The following CRADD variants were observed in gnomAD, a reference collection of about 807,000 sequenced individuals.
CRADD encodes the protein death domain-containing protein CRADD.
CRADD carries 9 observed loss-of-function variants against 15.5 expected under a neutral mutation model. That is an observed-to-expected ratio of 0.58 (90% confidence interval 0.35 to 1.01). CRADD has a LOEUF of 1.01. CRADD is among the 50% of genes least tolerant of loss of function. CRADD has a pLI of 0.02. For synonymous variants in CRADD, 118 were observed against 107.6 expected, an observed-to-expected ratio of 1.10 and a Z score of -0.60; for missense variants, 227 against 250.3, an observed-to-expected ratio of 0.91 and a Z score of 0.63.
At position 93,765,234 on chromosome 12, in the gene CRADD, C is replaced by T. The variant is rs548886838; in HGVS notation, c.299-84736C>T. Among the ~76,000 whole-genome samples the T allele has an allele frequency of 2.4e-3, 363 of 152,052 alleles. 1 individual carries two copies. Among genetic ancestry groups the T allele is most frequent in the African/African-American group, 8.5e-3 (353 of 41,494 alleles). The stretch of plus-strand genomic sequence containing the variant: ...TGCCTGCAGCTCAGAGAGTAAAGGG[C>T]TTTTGGAAGAGTTATTCAGAGAGAG... On this transcript the variant is annotated intron_variant, in intron 2 of 2. Coordinates refer to ENST00000332896, the MANE Select transcript of CRADD (RefSeq NM_003805.5).
intron 2 of CRADD, among the ~76,000 whole-genome samples, chr12:93,807,221 T>G (rs1298384631): frequency 6.6e-6 from 1 of 152,182 alleles, no homozygotes; most frequent in Non-Finnish European, 1.5e-5. Flanking sequence ...CTGTCCCTGC[T>G]CTAGTACCTT....
At chr12:93,752,720 A>G (rs1032663657) in intron 2 of CRADD, among the ~76,000 whole-genome samples, 2 of 152,234 alleles carry the variant, frequency 1.3e-5, no homozygotes, top group African/African-American at 2.4e-5. Context: ...TCACAGTTCC[A>G]CATGGCAGGG....
rs189295248 is a variant in CRADD at position 93,705,255 on chromosome 12, T to C, written c.298+26183T>C. 2.0e-5 allele frequency among the ~76,000 whole-genome samples: 3 copies of C among 152,346 alleles called. No homozygotes were observed. The East Asian group carries it at 5.8e-4, about 29-fold the overall frequency. ...CAGATCATCACAGAGGATTTTGAAA[T>C]TGAAAAAATTACTTAATTAAATGAA... On this transcript the variant is annotated intron_variant, in intron 2 of 2. Transcript: ENST00000332896.
chr12:93,821,576 C>T (rs1385499478), intron 2 of CRADD, among the ~76,000 whole-genome samples: 1 of 152,194 alleles, frequency 6.6e-6, no homozygotes, highest in African/African-American at 2.4e-5. Context: ...AGTTGTTTTG[C>T]TTATATCTGT....
chr12:93,835,917 G>A (rs546853183), intron 2 of CRADD, among the ~76,000 whole-genome samples: 73 of 152,234 alleles, frequency 4.8e-4, no homozygotes, highest in Middle Eastern at 6.8e-3. Context: ...TGACCCCTGT[G>A]TATTACCCCT....
chr12:93,811,235 T>A (rs999199743), intron 2 of CRADD, among the ~76,000 whole-genome samples: 2 of 152,252 alleles, frequency 1.3e-5, no homozygotes, highest in African/African-American at 4.8e-5. Context: ...CATTGAGGCA[T>A]GACTACTTCT....
At chr12:93,894,276 G>C (rs983383451) in exon 3 of CRADD, 3 of 555,646 alleles carry the variant, frequency 5.4e-6, no homozygotes, top group Non-Finnish European at 9.8e-6. Flanking sequence ...GTGGGTGGGC[G>C]GGGGGCAGGG....
intron 2 of CRADD, among the ~76,000 whole-genome samples, chr12:93,783,743 A>G (rs751710152): frequency 6.6e-5 from 10 of 152,270 alleles, no homozygotes; most frequent in Admixed American, 1.3e-4. Flanking sequence ...GGCTAATTTC[A>G]TTTTTCATGT....
intron 2 of CRADD, among the ~76,000 whole-genome samples, chr12:93,807,189 G>A (rs1957549043): frequency 1.3e-5 from 2 of 152,170 alleles, no homozygotes; most frequent in Non-Finnish European, 2.9e-5. Flanking sequence ...AATTGAGGAT[G>A]TAGAAACTCA....
chr12:93,776,925 G>T (rs1447738589), intron 2 of CRADD, among the ~76,000 whole-genome samples: 4 of 152,146 alleles, frequency 2.6e-5, no homozygotes, highest in Non-Finnish European at 1.5e-5. Context: ...GTTTCTTTCT[G>T]GCATGATGGG....
intron 2 of CRADD, among the ~76,000 whole-genome samples, chr12:93,769,009 T>C (rs1431226517): frequency 1.3e-5 from 2 of 152,246 alleles, no homozygotes; most frequent in African/African-American, 4.8e-5. Context: ...TTCATTCTCA[T>C]TGCAGTTTAT....
chr12:93,716,131 C>CA (rs200370450), intron 2 of CRADD, among the ~76,000 whole-genome samples: 3,604 of 87,496 alleles, frequency 0.041, 127 homozygotes, highest in African/African-American at 0.11. Flanking sequence ...GACTCCACCT[C>CA]AAAAAAAAAA....
chr12:93,849,247 G>C (rs1274772381), intron 2 of CRADD: 1 of 152,272 alleles, frequency 6.6e-6, no homozygotes. Context: ...GCTGGGGTCT[G>C]TGCAGCCATT....
intron 2 of CRADD, among the ~76,000 whole-genome samples, chr12:93,883,105 A>G (rs1050225272): frequency 1.3e-5 from 2 of 152,380 alleles, no homozygotes; most frequent in Middle Eastern, 3.4e-3. Flanking sequence ...TTAATTAGGC[A>G]TATGGACAAA....
In CRADD at chr12:93,789,154, C is replaced by T. The variant is rs187255612; in HGVS notation, c.299-60816C>T. Among the ~76,000 whole-genome samples, 12 of 151,948 alleles carry T rather than the reference C, an allele frequency of 7.9e-5. No homozygotes were observed. The East Asian group carries it at 2.3e-3, about 29-fold the overall frequency. On this transcript the variant is annotated intron_variant, in intron 2 of 2. Transcript: ENST00000332896. Reference sequence around the variant, plus strand: ...TTGACTGACAAAATCTTCGTATTTCCCAGAGTACCAGAGTTTTTCTGTGAG... The same window carrying T: ...TTGACTGACAAAATCTTCGTATTTCTCAGAGTACCAGAGTTTTTCTGTGAG...
At chr12:93,802,116 C>G (rs1565919301) in intron 2 of CRADD, among the ~76,000 whole-genome samples, 2 of 152,178 alleles carry the variant, frequency 1.3e-5, no homozygotes, top group Non-Finnish European at 2.9e-5. Context: ...TAGGCTGGTT[C>G]CCTATCTTTG....
At chr12:93,678,655 T>C in intron 1 of CRADD, 114 bp from the exon 2 acceptor site, 2 of 1,075,436 alleles carry the variant, frequency 1.9e-6, no homozygotes, top group Non-Finnish European at 2.7e-6. Context: ...GACCTGGCAG[T>C]CTGCTATGGT....
chr12:93,795,484 G>C (rs114090262), intron 2 of CRADD, among the ~76,000 whole-genome samples: 2 of 152,140 alleles, frequency 1.3e-5, no homozygotes, highest in African/African-American at 2.4e-5. Flanking sequence ...TCTCAGAAAG[G>C]AATATTTCAT....
At chr12:93,709,336 T>G (rs1956017707) in intron 2 of CRADD, among the ~76,000 whole-genome samples, 2 of 152,232 alleles carry the variant, frequency 1.3e-5, no homozygotes, top group Admixed American at 1.3e-4. Flanking sequence ...CAGAGGTTTG[T>G]TGTACAGATT....
Sources: gnomAD v4.1 joint callset for allele counts (sites outside exome capture counted in the v4.1 genomes callset) on GRCh38, gnomAD v4.1.1 for gene constraint, MANE v1.5 for transcripts, NCBI Gene and HGNC (gene_info 2026-07-23, HGNC 2026-07-21) for gene names.